The following GYG1 variants were observed in gnomAD, a reference collection of about 807,000 sequenced individuals.
GYG1 encodes the protein glycogenin-1.
GYG1 carries 44 observed loss-of-function variants against 41.9 expected under a neutral mutation model. That is an observed-to-expected ratio of 1.05 (90% confidence interval 0.83 to 1.35). The LOEUF is 1.35. GYG1 is among the 40% of genes most tolerant of loss of function. The pLI is 0.00. For synonymous variants in GYG1, 141 were observed against 158.1 expected (o/e 0.89, Z 0.81); for missense variants, 429 against 418.9 (o/e 1.02, Z -0.21).
At chr3:149,024,910 G>GT (rs1714571356) in intron 6 of GYG1, among the ~76,000 whole-genome samples, 1 of 152,152 alleles carries the variant, frequency 6.6e-6, no homozygotes, top group African/African-American at 2.4e-5. Context: ...GAACGAAACT[G>GT]TTACATATTC....
At chr3:149,009,484 C>A in intron 5 of GYG1, 82 bp downstream of exon 5, 2 of 1,307,038 alleles carry the variant, frequency 1.5e-6, no homozygotes, top group Non-Finnish European at 2.2e-6. Context: ...GCTTCATTGT[C>A]ATTCCGAGGG....
At chr3:149,014,953 T>C (rs7625403) in intron 5 of GYG1, among the ~76,000 whole-genome samples, 8,052 of 152,126 alleles carry the variant, frequency 0.053, 301 homozygotes, top group African/African-American at 0.098. Flanking sequence ...GTATGTTTTG[T>C]TTGTGCTACA....
In GYG1 at chr3:149,024,183, A is replaced by T. The variant is rs1209119406; in HGVS notation, c.739A>T (p.Ile247Phe). ...CAACATGACTCATCCAGAGTTTCTC[A>T]TCCTGTGGTGGAACATCTTTACCAC... ...DPNMTHPEFL[I>F]LWWNIFTTNV... The change falls in exon 6 of 8, where the codon ATC (isoleucine) becomes TTC (phenylalanine). Residue 247 changes from isoleucine to phenylalanine, a missense_variant. By Grantham distance (21) the Ile-to-Phe change is conservative. Transcript: ENST00000345003. 2 of 1,613,832 alleles carry T rather than the reference A, an allele frequency of 1.2e-6. No homozygotes were observed. The highest frequency in any genetic ancestry group is 1.7e-5 in the Admixed American group (1 of 60,028).
intron 5 of GYG1, among the ~76,000 whole-genome samples, chr3:149,016,413 G>A (rs1714046570): frequency 6.6e-6 from 1 of 152,146 alleles, no homozygotes; most frequent in African/African-American, 2.4e-5. Context: ...AGCCAATAGA[G>A]GCTAAGAATG....
At chr3:149,005,429 A>C (rs1276246640) in intron 4 of GYG1, among the ~76,000 whole-genome samples, 1 of 152,198 alleles carries the variant, frequency 6.6e-6, no homozygotes, top group Non-Finnish European at 1.5e-5. Context: ...TTATAATCAC[A>C]ATGTATGTAG....
In GYG1 at chr3:148,997,054, T is replaced by G. The variant is rs552689700; in HGVS notation, c.481+150T>G. Reference sequence around the variant, plus strand: ...TTAAGTTGTGCTCTTCTGGGAAATATTGTGTGTGTGTGTGTGTGTGTGTGT... The same window carrying G: ...TTAAGTTGTGCTCTTCTGGGAAATAGTGTGTGTGTGTGTGTGTGTGTGTGT... On this transcript the variant is annotated intron_variant, in intron 4 of 7. Coordinates refer to ENST00000345003, the MANE Select transcript of GYG1 (RefSeq NM_004130.4). The G allele has an allele frequency of 1.5e-3, 915 of 606,844 alleles. 6 individuals carry two copies. The highest frequency in any genetic ancestry group is 0.014 in the African/African-American group (758 of 53,482). 37.6% of individuals were successfully genotyped at this position (606,844 alleles called of 1,614,324 possible).
rs745411888 is a variant in GYG1 at position 149,024,116 on chromosome 3, T to G, written c.672T>G (p.Tyr224Ter). The part of the protein sequence containing the change: ...LGRVKPWNYT[Y>*]DPKTKSVKSE... Reference sequence around the variant, plus strand: ...GAGTCAAACCATGGAATTATACTTATGATCCCAAAACAAAAAGTGTCAAAA... The same window carrying G: ...GAGTCAAACCATGGAATTATACTTAGGATCCCAAAACAAAAAGTGTCAAAA... Residue 224 changes from tyrosine to a stop codon, truncating the protein, a stop_gained, in exon 6 of 8, where the codon TAT (tyrosine) becomes TAG (stop). Coordinates refer to ENST00000345003, the MANE Select transcript of GYG1 (RefSeq NM_004130.4). LOFTEE classifies it high-confidence loss of function. 2 of 1,614,186 alleles carry G rather than the reference T, an allele frequency of 1.2e-6. No homozygotes were observed.
At position 149,027,642 on chromosome 3, in the gene GYG1, TTTAA is replaced by T. The variant is rs1714730502; in HGVS notation, c.*714_*717del. 1.3e-5 allele frequency: 2 copies of T among 152,414 alleles called. No homozygotes were observed. Among genetic ancestry groups the T allele is most frequent in the Admixed American group, 1.3e-4 (2 of 15,288 alleles). 9.4% of individuals were successfully genotyped at this position (152,414 alleles called of 1,614,324 possible). ...AAGACTTATTGCTGTATCTTGGTTGTTTAATTAAATTAAGGAATTTCACCATACA... is the reference window on the plus strand; with the variant it reads ...AAGACTTATTGCTGTATCTTGGTTGTTTAAATTAAGGAATTTCACCATACA... On this transcript the variant is annotated 3_prime_UTR_variant, in exon 8 of 8. Transcript: ENST00000345003.
intron 1 of GYG1, among the ~76,000 whole-genome samples, chr3:148,993,281 A>G (rs1042081835): frequency 9.0e-6 from 1 of 111,130 alleles, no homozygotes; most frequent in African/African-American, 3.5e-5. Flanking sequence ...CTAAGTGATT[A>G]TTGGAGATTG....
intron 5 of GYG1, among the ~76,000 whole-genome samples, chr3:149,023,232 C>T (rs1714464575): frequency 6.6e-6 from 1 of 152,168 alleles, no homozygotes; most frequent in African/African-American, 2.4e-5. Flanking sequence ...GTCACTTCTG[C>T]TCATATTGCA....
At position 148,994,239 on chromosome 3, in the gene GYG1, G is replaced by A. The variant is rs1031181972; in HGVS notation, c.105G>A (p.Leu35=). 6.2e-7 allele frequency: 1 copy of A among 1,614,120 alleles called. No individual in the cohort carries two copies. The highest frequency in any genetic ancestry group is 1.1e-5 in the South Asian group (1 of 91,076). ...AACAGCACAGGACCACCAGGAGGCT[G>A]GTCGTGCTCGCCACCCCTCAGGTCT... ...SLKQHRTTRR[L]VVLATPQVSD... is the part of the protein sequence containing the mutation. The change falls in exon 2 of 8, where the codon CTG becomes CTA. Residue 35 remains leucine (L), a synonymous_variant. Transcript: ENST00000345003.
At position 149,027,996 on chromosome 3, in the gene GYG1, A is replaced by G. The variant is rs1260349317; in HGVS notation, c.*1063A>G. ...TTTTATCTATGATTTAAAATGATAG[A>G]ATGGAAAAGCGTATTTATTAAATTT... On this transcript the variant is annotated 3_prime_UTR_variant, in exon 8 of 8. Transcript: ENST00000345003. 1.3e-5 allele frequency among the ~76,000 whole-genome samples: 2 copies of G among 152,212 alleles called. No homozygotes were observed. The highest frequency in any genetic ancestry group is 4.8e-5 in the African/African-American group (2 of 41,452).
intron 1 of GYG1, chr3:148,992,559 C>G (rs1364748496): frequency 5.3e-5 from 8 of 152,286 alleles, no homozygotes; most frequent in Admixed American, 5.2e-4. Flanking sequence ...TTGAATCCTG[C>G]TCACCTTATT....
At chr3:149,024,538 C>A (rs567124819) in intron 6 of GYG1, among the ~76,000 whole-genome samples, 91 of 152,242 alleles carry the variant, frequency 6.0e-4, no homozygotes, top group African/African-American at 2.1e-3. Context: ...GAATTCTTAG[C>A]CCATTCTCCT....
rs557522544 is a variant in GYG1 at position 149,028,627 on chromosome 3, A to C, written c.*1694A>C. Among the ~76,000 whole-genome samples, 1 of 150,786 alleles carries C rather than the reference A, an allele frequency of 6.6e-6. No individual in the cohort carries two copies. The highest frequency in any genetic ancestry group is 2.4e-5 in the African/African-American group (1 of 40,916). ...GTTGCATTCAACGTTAATTTTTTCT[A>C]TTTACTACCGTTCATTCTCTATTTT... On this transcript the variant is annotated 3_prime_UTR_variant, in exon 8 of 8. Coordinates refer to ENST00000345003, the MANE Select transcript of GYG1 (RefSeq NM_004130.4).
chr3:149,014,799 C>T (rs1713926328), intron 5 of GYG1, among the ~76,000 whole-genome samples: 1 of 148,836 alleles, frequency 6.7e-6, no homozygotes, highest in African/African-American at 2.5e-5. Context: ...ACCAGGGAGG[C>T]AGAGGTTGGA....
chr3:149,000,546 T>C (rs1245720903), intron 4 of GYG1, among the ~76,000 whole-genome samples: 1 of 152,242 alleles, frequency 6.6e-6, no homozygotes, highest in Non-Finnish European at 1.5e-5. Context: ...TCTGAAGAAA[T>C]CAACCTGAAT....
intron 5 of GYG1, among the ~76,000 whole-genome samples, chr3:149,022,516 T>TTTTTTTTTTTA (rs1714428942): frequency 1.4e-5 from 2 of 142,876 alleles, no homozygotes; most frequent in Non-Finnish European, 3.0e-5. Context: ...TTTTTTTTTT[T>TTTTTTTTTTTA]GAGATGGAGT....
intron 4 of GYG1, chr3:149,001,604 A>T (rs776406728): frequency 6.6e-6 from 1 of 152,190 alleles, no homozygotes; most frequent in Non-Finnish European, 1.5e-5. Flanking sequence ...GTAGGCATTC[A>T]TACATCCATT....
Sources: allele counts gnomAD v4.1 joint callset (sites outside exome capture counted in the v4.1 genomes callset), GRCh38; gene constraint gnomAD v4.1.1; transcripts MANE v1.5; gene names NCBI Gene and HGNC (gene_info 2026-07-23, HGNC 2026-07-21).